Variants in SLC25A46 observed in about 807,000 individuals in gnomAD.
The protein encoded by SLC25A46 is mitochondrial outer membrane protein SLC25A46.
A neutral mutation model predicts 44.6 loss-of-function variants in SLC25A46; 39 were observed. The ratio of observed to expected loss-of-function variants is 0.87; its 90% CI spans 0.68 to 1.14. SLC25A46 has a LOEUF of 1.14. Among genes scored for constraint, SLC25A46 ranks in the 50% most tolerant of loss-of-function variants. The pLI, the probability that SLC25A46 is intolerant of heterozygous loss-of-function variation, is 0.00. For synonymous variants in SLC25A46, 202 were observed against 185.8 expected (o/e 1.09, Z -0.71); for missense variants, 547 against 522.7 (o/e 1.05, Z -0.45).
chr5:110,741,321 T>C (rs1799685257), intron 1 of SLC25A46, among the ~76,000 whole-genome samples: 1 of 152,242 alleles, frequency 6.6e-6, no homozygotes, highest in Non-Finnish European at 1.5e-5. Flanking sequence ...ACATACCATC[T>C]GTAGTAGCAT....
chr5:110,743,413 GCCATTTC>G (rs1191407039), intron 2 of SLC25A46, among the ~76,000 whole-genome samples: 2 of 151,984 alleles, frequency 1.3e-5, no homozygotes, highest in Non-Finnish European at 2.9e-5. Flanking sequence ...TAATTGATGT[GCCATTTC>G]CCACATTAAA....
intron 3 of SLC25A46, among the ~76,000 whole-genome samples, chr5:110,744,739 T>C (rs1286701174): frequency 6.6e-6 from 1 of 152,218 alleles, no homozygotes; most frequent in East Asian, 1.9e-4. Flanking sequence ...AATATGTCTG[T>C]CCTGAAAGTG....
rs1337749009 is a variant in SLC25A46 at position 110,760,691 on chromosome 5, T to C, written c.679-513T>C. ...AGGTGGTAATAAGACTAACATTTAT[T>C]GAGTGACTCCTGAGTGCCAAGCCTT... On this transcript the variant is annotated intron_variant, in intron 7 of 7. Transcript: ENST00000355943. Among the ~76,000 whole-genome samples the C allele has an allele frequency of 2.0e-5, 3 of 152,118 alleles. No individual in the cohort carries two copies. The East Asian group carries it at 5.8e-4, about 29-fold the overall frequency.
At position 110,748,282 on chromosome 5, in the gene SLC25A46, C is replaced by A. The variant is rs114954533; in HGVS notation, c.563+19C>A. On this transcript the variant is annotated intron_variant, in intron 5 of 7. Coordinates refer to ENST00000355943, the MANE Select transcript of SLC25A46 (RefSeq NM_138773.4). ...TGCCAAGGTACCATTTTTAGCATTT[C>A]TTCAGTATTAGTTTCATGTGGTGAT... 1.3e-6 allele frequency: 2 copies of A among 1,593,908 alleles called. No homozygotes were observed. Among genetic ancestry groups the A allele is most frequent in the Non-Finnish European group, 8.6e-7 (1 of 1,162,022 alleles).
rs767826203 is a variant in SLC25A46, at chr5:110,761,509, C to T, written c.984C>T (p.Asp328=). Residue 328 remains aspartate (D), a synonymous_variant, in exon 8 of 8, where the codon GAC becomes GAT. Transcript: ENST00000355943. The surrounding 1 kb of genome is among the most constrained non-coding windows in gnomAD (Gnocchi z 5.3). ...ACTTTGCTGCCAGTCTTTGTTCTGA[C>T]GTTATACTTTACCCATTGGAAACAG... ...IANFAASLCS[D]VILYPLETVL... 1.5e-5 allele frequency: 24 copies of T among 1,613,630 alleles called. No individual in the cohort carries two copies. Among genetic ancestry groups the T allele is most frequent in the Admixed American group, 8.3e-5 (5 of 59,934 alleles).
In SLC25A46 at chr5:110,764,555, C is replaced by T. The variant is rs79543069; in HGVS notation, c.*2773C>T. 271 of 152,020 alleles carry T rather than the reference C, an allele frequency of 1.8e-3. No individual in the cohort carries two copies. Among genetic ancestry groups the T allele is most frequent in the African/African-American group, 5.9e-3 (243 of 41,520 alleles). 9.4% of individuals were successfully genotyped at this position (152,020 alleles called of 1,614,324 possible). A position where few individuals can be genotyped will look rare whatever the true frequency, so the allele number is the denominator to read the frequency against. On this transcript the variant is annotated 3_prime_UTR_variant, in exon 8 of 8. Transcript: ENST00000355943. The stretch of plus-strand genomic sequence containing the variant: ...TTACTATTGCAGATATACCTGACCA[C>T]TCACAACTGTCTTTTTAGCAGCAGC...
rs1250876214 is a variant in SLC25A46, at chr5:110,739,039, G to C, written c.-81G>C. 5 of 1,492,500 alleles carry C rather than the reference G, an allele frequency of 3.4e-6. No individual in the cohort carries two copies. The highest frequency in any genetic ancestry group is 8.9e-7 in the Non-Finnish European group (1 of 1,129,916). The allele number at this position is 1,492,500 out of a possible 1,614,324, so 92.5% of individuals were successfully genotyped here. A position where few individuals can be genotyped will look rare whatever the true frequency, so the allele number is the denominator to read the frequency against. On this transcript the variant is annotated 5_prime_UTR_variant, in exon 1 of 8. Coordinates refer to ENST00000355943, the MANE Select transcript of SLC25A46 (RefSeq NM_138773.4). ...ACCCCTGACGCGGCGGCGGCCGACGGGAAGCTGTGTGTGCTTAGGTCGTGG... is the reference window on the plus strand; with the variant it reads ...ACCCCTGACGCGGCGGCGGCCGACGCGAAGCTGTGTGTGCTTAGGTCGTGG...
chr5:110,761,057 C>G lies in SLC25A46; in HGVS notation c.679-147C>G. ...ATTTCATTTGAAAAAAAATCTGATGCCTAGATAACAGTTAAAGTCTGCAAA... is the reference window on the plus strand; with the variant it reads ...ATTTCATTTGAAAAAAAATCTGATGGCTAGATAACAGTTAAAGTCTGCAAA... On this transcript the variant is annotated intron_variant, in intron 7 of 7. Transcript: ENST00000355943. The surrounding 1 kb of genome is among the most constrained non-coding windows in gnomAD (Gnocchi z 5.3). 1 of 641,646 alleles carries G rather than the reference C, an allele frequency of 1.6e-6. No individual in the cohort carries two copies. Among genetic ancestry groups the G allele is most frequent in the Non-Finnish European group, 2.6e-6 (1 of 379,922 alleles). 39.7% of individuals were successfully genotyped at this position (641,646 alleles called of 1,614,324 possible). A position where few individuals can be genotyped will look rare whatever the true frequency, so the allele number is the denominator to read the frequency against.
intron 5 of SLC25A46, among the ~76,000 whole-genome samples, chr5:110,752,016 C>G (rs1427072232): frequency 2.0e-5 from 3 of 152,062 alleles, no homozygotes. Flanking sequence ...AAGGAGCAAA[C>G]AAGGTCACAA....
In SLC25A46 at chr5:110,743,775, C is replaced by A; in HGVS notation, c.372C>A (p.Arg124=). 6.2e-7 allele frequency: 1 copy of A among 1,605,324 alleles called. No individual in the cohort carries two copies. Among genetic ancestry groups the A allele is most frequent in the Non-Finnish European group, 8.5e-7 (1 of 1,174,590 alleles). ...NVLAHPCIVL[R]RQCQVNYHAQ... ...TGGCACATCCTTGCATTGTTCTACG[C>A]CGCCAATGTCAGGTAAATGTAATTT... is the stretch of plus-strand genomic sequence containing the variant. Residue 124 remains arginine, a synonymous_variant, in exon 3 of 8, where the codon CGC becomes CGA. Transcript: ENST00000355943.
intron 4 of SLC25A46, among the ~76,000 whole-genome samples, chr5:110,746,885 A>G (rs1799833727): frequency 6.6e-6 from 1 of 152,170 alleles, no homozygotes; most frequent in Non-Finnish European, 1.5e-5. Flanking sequence ...ATGGAGTACA[A>G]TGGGAGCTTG....
chr5:110,742,885 A>G (rs995652387), intron 2 of SLC25A46, among the ~76,000 whole-genome samples: 6 of 152,074 alleles, frequency 3.9e-5, no homozygotes, highest in African/African-American at 1.4e-4. Context: ...ACCATTTTCA[A>G]AAATATTGGA....
intron 5 of SLC25A46, chr5:110,753,927 T>G (rs1252365894): frequency 6.6e-6 from 1 of 152,166 alleles, no homozygotes; most frequent in South Asian, 2.1e-4. Flanking sequence ...TTACAAAGCA[T>G]GTAACGTATT....
chr5:110,748,152 G>C lies in SLC25A46; in HGVS notation c.463-11G>C. ...TATTAACAGAAATAACATGAATTTT[G>C]TTCAATTTAGGGACCTAGAGCCCTG... On this transcript the variant is annotated splice_polypyrimidine_tract_variant and intron_variant, in intron 4 of 7. Transcript: ENST00000355943. The C allele has an allele frequency of 1.9e-6, 3 of 1,600,112 alleles. No homozygotes were observed. The highest frequency in any genetic ancestry group is 2.6e-6 in the Non-Finnish European group (3 of 1,168,378).
chr5:110,765,006 A>C lies in SLC25A46; in HGVS notation c.*3224A>C, dbSNP rs1800354485. 6.6e-6 allele frequency: 1 copy of C among 151,876 alleles called. No individual in the cohort carries two copies. The highest frequency in any genetic ancestry group is 2.4e-5 in the African/African-American group (1 of 41,410). 9.4% of individuals were successfully genotyped at this position (151,876 alleles called of 1,614,324 possible). ...TACCAAGTTGTATAGCAGAGTAACA[A>C]AATCATGATTTGACAATGAAATTTA... is the stretch of plus-strand genomic sequence containing the variant. On this transcript the variant is annotated 3_prime_UTR_variant, in exon 8 of 8. Transcript: ENST00000355943.
At chr5:110,739,446 G>A in intron 1 of SLC25A46, 44 bp downstream of exon 1, 1 of 1,499,506 alleles carries the variant, frequency 6.7e-7, no homozygotes, top group Non-Finnish European at 8.8e-7. Context: ...GGTTACTGGG[G>A]CCGCGGCTTG....
intron 7 of SLC25A46, among the ~76,000 whole-genome samples, chr5:110,760,040 A>C (rs1800211642): frequency 1.3e-5 from 2 of 152,078 alleles, no homozygotes; most frequent in African/African-American, 4.8e-5. Context: ...TTTTTCTGTA[A>C]TTTCTATTGT....
intron 1 of SLC25A46, among the ~76,000 whole-genome samples, chr5:110,741,224 T>C (rs1171590833): frequency 6.6e-6 from 1 of 152,188 alleles, no homozygotes; most frequent in Non-Finnish European, 1.5e-5. Flanking sequence ...CACTATGACT[T>C]TGAGTTTAGT....
rs35465065 is a variant in SLC25A46 at position 110,763,949 on chromosome 5, AT to A, written c.*2171del. Reference sequence around the variant, plus strand: ...AAGCTAGCCAAATATGTTGCACTGAATTTTGAAAAGAATGAGTGAGATAACT... The same window carrying A: ...AAGCTAGCCAAATATGTTGCACTGAATTTGAAAAGAATGAGTGAGATAACT... On this transcript the variant is annotated 3_prime_UTR_variant, in exon 8 of 8. Coordinates refer to ENST00000355943, the MANE Select transcript of SLC25A46 (RefSeq NM_138773.4). The A allele has an allele frequency of 6.6e-6, 1 of 151,894 alleles. No homozygotes were observed. The highest frequency in any genetic ancestry group is 2.4e-5 in the African/African-American group (1 of 41,430). The allele number at this position is 151,894 out of a possible 1,614,324, so 9.4% of individuals were successfully genotyped here.
Sources: gnomAD v4.1 joint callset for allele counts (sites outside exome capture counted in the v4.1 genomes callset) on GRCh38, gnomAD v4.1.1 for gene constraint, Gnocchi (gnomAD v3.1) non-coding constraint, MANE v1.5 for transcripts, NCBI Gene and HGNC (gene_info 2026-07-23, HGNC 2026-07-21) for gene names.